Variants in MRPL39 observed in about 807,000 individuals in gnomAD.
MRPL39 encodes large ribosomal subunit protein mL39.
In MRPL39, 35 loss-of-function variants were observed where a neutral mutation model predicts 44.5. The observed-to-expected ratio is 0.79, with a 90% confidence interval of 0.60 to 1.04. The LOEUF (loss-of-function observed/expected upper bound fraction) is 1.04, where lower values mean the gene tolerates loss of function less well. MRPL39 is among the 50% of genes least tolerant of loss of function. MRPL39 has a pLI of 0.00. For synonymous variants in MRPL39, 139 were observed against 136.1 expected (o/e 1.02, Z -0.15); for missense variants, 433 against 413.5 (o/e 1.05, Z -0.41).
intron 9 of MRPL39, 103 bp downstream of exon 9, chr21:25,588,732 C>T: frequency 1.8e-5 from 20 of 1,113,492 alleles, no homozygotes; most frequent in Admixed American, 1.5e-4. Flanking sequence ...TACTTTTTTC[C>T]TTTCTCTTTG....
At chr21:25,607,492 G>C (rs529449272), upstream of MRPL39, 1 of 1,608,826 alleles carries the variant, frequency 6.2e-7, no homozygotes, top group East Asian at 2.2e-5. Flanking sequence ...GGTGAGAACC[G>C]TCGCGCGCAA....
chr21:25,606,203 C>A (rs956950084), intron 2 of MRPL39, among the ~76,000 whole-genome samples: 1 of 152,200 alleles, frequency 6.6e-6, no homozygotes, highest in African/African-American at 2.4e-5. Flanking sequence ...TGGTCTTGAA[C>A]TTCTGGCCTC....
chr21:25,590,752 C>T (rs2031149822), intron 8 of MRPL39, among the ~76,000 whole-genome samples: 1 of 152,156 alleles, frequency 6.6e-6, no homozygotes, highest in East Asian at 1.9e-4. Flanking sequence ...CTCAGGAAGA[C>T]TCTGTTGACA....
At chr21:25,598,845 A>G in intron 5 of MRPL39, among the ~76,000 whole-genome samples, 1 of 120,482 alleles carries the variant, frequency 8.3e-6, no homozygotes, top group Non-Finnish European at 1.7e-5. Flanking sequence ...TCTAAGATGT[A>G]TTACTAAGGG....
intron 4 of MRPL39, 83 bp from the exon 5 acceptor site, chr21:25,599,949 C>A: frequency 9.5e-7 from 1 of 1,051,926 alleles, no homozygotes; most frequent in South Asian, 1.3e-5. Flanking sequence ...AATATTTAGA[C>A]CATAAAAAGG....
chr21:25,588,964 G>A, intron 8 of MRPL39, 82 bp from the exon 9 acceptor site: 2 of 1,183,562 alleles, frequency 1.7e-6, no homozygotes, highest in South Asian at 2.8e-5. Flanking sequence ...ATAGCTTTTA[G>A]AACAAAATAA....
rs1261556391 is a variant in MRPL39, at chr21:25,603,931, T to G, written c.285A>C (p.Leu95Phe). The G allele has an allele frequency of 1.2e-6, 2 of 1,606,154 alleles. No individual in the cohort carries two copies. Among genetic ancestry groups the G allele is most frequent in the Admixed American group, 3.5e-5 (2 of 57,368 alleles). Residue 95 changes from leucine to phenylalanine, a missense_variant, in exon 3 of 10, where the codon TTA becomes TTC. Coordinates refer to ENST00000352957, the MANE Select transcript of MRPL39 (RefSeq NM_017446.4). ...TGGACTTCCTGCAATACCACTCGCT[T>G]AAATCTAGAAATTTAAAACAGACTG... Reference protein sequence around the residue: ...ISTPYSCAMHLSEWYCRKSIL... With the variant: ...ISTPYSCAMHFSEWYCRKSIL...
At chr21:25,599,023 T>C (rs915212222) in intron 5 of MRPL39, among the ~76,000 whole-genome samples, 1 of 152,216 alleles carries the variant, frequency 6.6e-6, no homozygotes, top group East Asian at 1.9e-4. Context: ...TCCCAATACA[T>C]AGGACATATA....
chr21:25,594,719 C>G (rs992955505), intron 6 of MRPL39, among the ~76,000 whole-genome samples: 4 of 152,128 alleles, frequency 2.6e-5, no homozygotes, highest in African/African-American at 9.7e-5. Flanking sequence ...AGTTGTATGT[C>G]CTATATCTCT....
Position 25,593,906 on chromosome 21 carries a change from C to T in MRPL39, c.754G>A (p.Val252Ile). Residue 252 changes from valine (V) to isoleucine (I), a missense_variant, in exon 7 of 10, where the codon GTC (valine) becomes ATC (isoleucine). Transcript: ENST00000352957. ...ACTTTTACTTACCTGTGTAGCTTGA[C>T]TATTCTCTCAGGGTTCTGAGATGCC... ...EKASQNPERI[V>I]KLHRIGDFID... The T allele has an allele frequency of 6.2e-7, 1 of 1,613,628 alleles. No individual in the cohort carries two copies. The highest frequency in any genetic ancestry group is 1.7e-5 in the Admixed American group (1 of 60,006).
chr21:25,585,685 AT>A lies in MRPL39; in HGVS notation c.*21del, dbSNP rs2030977143. ...ATTTAAAACATTTATTTTATTATAC[AT>A]ATTTAAATTTTAGAAAGTTATTAGG... On this transcript the variant is annotated 3_prime_UTR_variant, in exon 10 of 10. Coordinates refer to ENST00000352957, the MANE Select transcript of MRPL39 (RefSeq NM_017446.4). 9.5e-6 allele frequency: 12 copies of A among 1,263,620 alleles called. No individual in the cohort carries two copies. The highest frequency in any genetic ancestry group is 6.7e-6 in the Non-Finnish European group (6 of 893,084). The allele number at this position is 1,263,620 out of a possible 1,614,324, so 78.3% of individuals were successfully genotyped here.
chr21:25,598,438 TAA>T (rs780003224), intron 5 of MRPL39, among the ~76,000 whole-genome samples: 5 of 95,898 alleles, frequency 5.2e-5, no homozygotes, highest in Admixed American at 1.1e-4. Context: ...CCCATCTCTT[TAA>T]AAAAAAAAAA....
chr21:25,595,100 A>T (rs1384986638), intron 6 of MRPL39, among the ~76,000 whole-genome samples: 1 of 152,236 alleles, frequency 6.6e-6, no homozygotes, highest in East Asian at 1.9e-4. Context: ...CCATGACTTT[A>T]CCATTTACTA....
rs2031394594 is a variant in MRPL39, at chr21:25,597,409, G to A, written c.594C>T (p.Asn198=). 1 of 1,529,570 alleles carries A rather than the reference G, an allele frequency of 6.5e-7. No homozygotes were observed. The highest frequency in any genetic ancestry group is 9.0e-7 in the Non-Finnish European group (1 of 1,113,304). 94.7% of individuals were successfully genotyped at this position (1,529,570 alleles called of 1,614,324 possible). The part of the protein sequence containing the change: ...KLDEWMPTKE[N]LRSFTKDAHA... ...GAGCATCTTTTGTGAAGGAACGTAA[G>A]TTCTCCTTAAAAATGAAAGTAATAA... Residue 198 remains asparagine, a synonymous_variant, in exon 6 of 10, where the codon AAC becomes AAT. Coordinates refer to ENST00000352957, the MANE Select transcript of MRPL39 (RefSeq NM_017446.4).
At chr21:25,591,836 G>A (rs1318703095) in intron 8 of MRPL39, among the ~76,000 whole-genome samples, 1 of 152,154 alleles carries the variant, frequency 6.6e-6, no homozygotes, top group East Asian at 1.9e-4. Flanking sequence ...ATTTATCCCA[G>A]AGAAATATTC....
rs1326122241 is a variant in MRPL39, at chr21:25,599,848, C to A, written c.539G>T (p.Cys180Phe). ...PEVPVISGAF[C>F]YDVVLDSKLD... is the part of the protein sequence containing the mutation. ...TTTGCTATCCAAAACTACGTCATAA[C>A]AGAAGGCACCAGAAATTACTGTAAA... The change falls in exon 5 of 10, where the codon TGT (cysteine) becomes TTT (phenylalanine). Residue 180 changes from cysteine (C) to phenylalanine (F), a missense_variant. Coordinates refer to ENST00000352957, the MANE Select transcript of MRPL39 (RefSeq NM_017446.4). The A allele has an allele frequency of 1.2e-6, 2 of 1,613,560 alleles. No homozygotes were observed. The highest frequency in any genetic ancestry group is 8.5e-7 in the Non-Finnish European group (1 of 1,179,688).
At chr21:25,596,459 T>C (rs2031363829) in intron 6 of MRPL39, among the ~76,000 whole-genome samples, 2 of 152,352 alleles carry the variant, frequency 1.3e-5, no homozygotes, top group South Asian at 2.1e-4. Flanking sequence ...TGGTTTCACA[T>C]GTCAATTAAC....
At chr21:25,594,420 T>A (rs2031290005) in intron 6 of MRPL39, among the ~76,000 whole-genome samples, 1 of 151,780 alleles carries the variant, frequency 6.6e-6, no homozygotes, top group South Asian at 2.1e-4. Flanking sequence ...CCGGGCTAAC[T>A]TTTTTTGGTA....
At chr21:25,603,768 T>G in intron 3 of MRPL39, 28 bp downstream of exon 3, 1 of 1,576,686 alleles carries the variant, frequency 6.3e-7, no homozygotes, top group Non-Finnish European at 8.6e-7. Flanking sequence ...ACTGGGGAAA[T>G]AGAAAAAGAA....
Sources: gnomAD v4.1 joint callset for allele counts (sites outside exome capture counted in the v4.1 genomes callset) on GRCh38, gnomAD v4.1.1 for gene constraint, MANE v1.5 for transcripts, NCBI Gene and HGNC (gene_info 2026-07-23, HGNC 2026-07-21) for gene names.